Variants in DYNC2I2 observed in about 807,000 individuals in gnomAD.
The protein encoded by DYNC2I2 is dynein 2 intermediate chain 2, also known as cytoplasmic dynein 2 intermediate chain 2.
DYNC2I2 carries 39 observed loss-of-function variants against 52.0 expected under a neutral mutation model. That is an observed-to-expected ratio of 0.75 (90% CI 0.58 to 0.98). DYNC2I2 has a LOEUF of 0.98. DYNC2I2 is among the 50% of genes least tolerant of loss of function. The pLI, the probability that DYNC2I2 is intolerant of heterozygous loss-of-function variation, is 0.00. For missense variants in DYNC2I2, 743 were observed against 728.4 expected, an observed-to-expected ratio of 1.02 and a Z score of -0.23; for synonymous variants, 359 against 321.1, an observed-to-expected ratio of 1.12 and a Z score of -1.26.
At position 128,653,847 on chromosome 9, in the gene DYNC2I2, T is replaced by C. The variant is rs1860766673; in HGVS notation, c.186+2694A>G. 2.0e-5 allele frequency among the ~76,000 whole-genome samples: 3 copies of C among 151,370 alleles called. No individual in the cohort carries two copies. In the South Asian group the frequency reaches 6.3e-4, roughly 32 times the overall value. The stretch of plus-strand genomic sequence containing the variant: ...CAACACAGTGAAACCCCATCTCTAC[T>C]AAAAATACAAAAAATTGACCAGGCG... On this transcript the variant is annotated intron_variant, in intron 1 of 8. Transcript: ENST00000372715.
intron 4 of DYNC2I2, chr9:128,636,010 A>G: frequency 1.5e-6 from 1 of 688,102 alleles, no homozygotes; most frequent in East Asian, 2.7e-5. Context: ...CCTGCCCCCT[A>G]CCACTGACGG....
At chr9:128,673,860 G>A in the DYNC2I2 span, among the ~76,000 whole-genome samples, 1 of 147,234 alleles carries the variant, frequency 6.8e-6, no homozygotes, top group Non-Finnish European at 1.5e-5. Flanking sequence ...CCAGGCTGGA[G>A]TGCAATGGCT....
intron 4 of DYNC2I2, 195 bp from the exon 5 acceptor site, chr9:128,635,962 C>T (rs1860401284): frequency 1.5e-6 from 1 of 665,280 alleles, no homozygotes; most frequent in Non-Finnish European, 2.7e-6. Context: ...CTTTGCCGGA[C>T]ACCCCTGCCC....
chr9:128,637,488 G>A (rs1316747332), intron 2 of DYNC2I2, among the ~76,000 whole-genome samples: 1 of 152,218 alleles, frequency 6.6e-6, no homozygotes, highest in East Asian at 1.9e-4. Flanking sequence ...TGTGGCCCAG[G>A]CTGGAGTGCA....
intron 4 of DYNC2I2, 68 bp from the exon 5 acceptor site, chr9:128,635,835 C>G: frequency 6.9e-7 from 1 of 1,448,660 alleles, no homozygotes. Flanking sequence ...GCCAAACACC[C>G]GCCCCAGCCC....
intron 6 of DYNC2I2, 22 bp from the exon 7 acceptor site, chr9:128,634,943 A>G (rs1443704684): frequency 6.2e-7 from 1 of 1,609,970 alleles, no homozygotes; most frequent in African/African-American, 1.3e-5. Context: ...TGGCAGCAGC[A>G]GGGTCAGAGC....
chr9:128,656,964 C>T (rs550988510), upstream of DYNC2I2, among the ~76,000 whole-genome samples: 36 of 152,370 alleles, frequency 2.4e-4, no homozygotes, highest in African/African-American at 8.4e-4. Flanking sequence ...GCGCGCTACT[C>T]CTGGGCGAGG....
At chr9:128,642,328 T>C (rs1589432675) in intron 1 of DYNC2I2, among the ~76,000 whole-genome samples, 1 of 145,766 alleles carries the variant, frequency 6.9e-6, no homozygotes, top group African/African-American at 2.5e-5. Context: ...TGGTGGCGCG[T>C]GCCTGTAATC....
At chr9:128,645,754 T>G (rs1860605004) in intron 1 of DYNC2I2, among the ~76,000 whole-genome samples, 1 of 151,834 alleles carries the variant, frequency 6.6e-6, no homozygotes, top group Non-Finnish European at 1.5e-5. Flanking sequence ...GAGGAGGGCA[T>G]GTTGAAAGCT....
At chr9:128,673,395 G>A in the DYNC2I2 span, among the ~76,000 whole-genome samples, 1 of 149,840 alleles carries the variant, frequency 6.7e-6, no homozygotes, top group Non-Finnish European at 1.5e-5. Flanking sequence ...AGTCTGGAGT[G>A]CAGTGGTGCA....
intron 1 of DYNC2I2, 144 bp from the exon 2 acceptor site, chr9:128,641,083 G>T: frequency 7.6e-7 from 1 of 1,324,464 alleles, no homozygotes; most frequent in Non-Finnish European, 1.0e-6. Context: ...GGTCTTGGTT[G>T]GAGATGGCCC....
chr9:128,643,865 G>A (rs183709603), intron 1 of DYNC2I2, among the ~76,000 whole-genome samples: 1 of 152,286 alleles, frequency 6.6e-6, no homozygotes, highest in African/African-American at 2.4e-5. Flanking sequence ...AGCCACCCAC[G>A]GGGAGGCACC....
rs760279558 is a variant in DYNC2I2 at position 128,635,200 on chromosome 9, G to GTCA, written c.872_873insTGA (p.Asp292dup). 6.2e-7 allele frequency: 1 copy of GTCA among 1,613,082 alleles called. No individual in the cohort carries two copies. The highest frequency in any genetic ancestry group is 1.1e-5 in the South Asian group (1 of 91,076). ...CCTGCCAGAGTAGCACCTTCCCGTC[G>GTCA]GTGGCCACACTCAGCACCTGGAAGC... On this transcript the variant is annotated inframe_insertion, in exon 6 of 9. Transcript: ENST00000372715.
chr9:128,659,220 C>T (rs1860889107), upstream of DYNC2I2, among the ~76,000 whole-genome samples: 1 of 151,958 alleles, frequency 6.6e-6, no homozygotes, highest in South Asian at 2.1e-4. Context: ...TTTTTAAAAA[C>T]TCATTAAGGG....
chr9:128,665,554 G>T, the DYNC2I2 span, among the ~76,000 whole-genome samples: 1 of 151,954 alleles, frequency 6.6e-6, no homozygotes, highest in African/African-American at 2.4e-5. Context: ...TGGATCACCG[G>T]AGGTCAGGAG....
chr9:128,647,081 CGCCATCACACTCCA>C (rs1860629414), intron 1 of DYNC2I2, among the ~76,000 whole-genome samples: 1 of 152,138 alleles, frequency 6.6e-6, no homozygotes, highest in Non-Finnish European at 1.5e-5. Flanking sequence ...GCTGAGATTG[CGCCATCACACTCCA>C]GCCTGGGCAA....
At chr9:128,668,001 A>C in the DYNC2I2 span, among the ~76,000 whole-genome samples, 1 of 79,718 alleles carries the variant, frequency 1.3e-5, no homozygotes, top group African/African-American at 6.0e-5. Flanking sequence ...CCGCTCTGTC[A>C]CCAGGCTGGA....
intron 1 of DYNC2I2, among the ~76,000 whole-genome samples, chr9:128,653,602 G>A (rs1860760955): frequency 6.7e-6 from 1 of 150,258 alleles, no homozygotes; most frequent in Admixed American, 6.6e-5. Context: ...TGTAGTCCCA[G>A]CTACTCGGGA....
intron 1 of DYNC2I2, among the ~76,000 whole-genome samples, chr9:128,650,543 A>G (rs1262754695): frequency 3.9e-5 from 2 of 50,754 alleles, no homozygotes; most frequent in African/African-American, 8.3e-5. Context: ...ATATATATAT[A>G]TATATGCCAC....
Sources: allele counts gnomAD v4.1 joint callset (sites outside exome capture counted in the v4.1 genomes callset), GRCh38; gene constraint gnomAD v4.1.1; transcripts MANE v1.5; gene names NCBI Gene and HGNC (gene_info 2026-07-23, HGNC 2026-07-21).